TMPRSS13: variants seen among roughly 807,000 people sequenced by gnomAD.
The protein encoded by TMPRSS13 is transmembrane serine protease 13.
Under a neutral mutation model 68.4 loss-of-function variants are expected in TMPRSS13, and 50 were observed. The ratio of observed to expected loss-of-function variants is 0.73; its 90% CI spans 0.58 to 0.93. The LOEUF (loss-of-function observed/expected upper bound fraction) is 0.93, where lower values mean the gene tolerates loss of function less well. Among genes scored for constraint, TMPRSS13 ranks in the 40% least tolerant of loss-of-function variants. The probability of loss-of-function intolerance (pLI) is 0.00; values close to 1 mark genes in which losing one functional copy is unlikely to be tolerated. For missense variants in TMPRSS13, 615 were observed against 729.2 expected, an observed-to-expected ratio of 0.84 and a Z score of 1.80; for synonymous variants, 267 against 285.8, an observed-to-expected ratio of 0.93 and a Z score of 0.66.
chr11:117,916,888 T>C (rs543199706), intron 3 of TMPRSS13, among the ~76,000 whole-genome samples: 2 of 152,282 alleles, frequency 1.3e-5, no homozygotes, highest in East Asian at 3.9e-4. Context: ...GAAACTGAGC[T>C]CAGGGTGGTT....
At chr11:117,907,779 C>T in intron 9 of TMPRSS13, 15 of 984,228 alleles carry the variant, frequency 1.5e-5, no homozygotes, top group Non-Finnish European at 1.8e-5. Context: ...CCGAAAACAT[C>T]GTATAATTGG....
In TMPRSS13 at chr11:117,920,185, G is replaced by A. The variant is rs1048974419; in HGVS notation, c.22-1347C>T. ...AGGCAGCTGGGCGCCCCAGGCAAGT[G>A]ACTTCACCTCTTTACATCTCAGTCT... is the stretch of plus-strand genomic sequence containing the variant. On this transcript the variant is annotated intron_variant, in intron 1 of 12. Transcript: ENST00000524993. Among the ~76,000 whole-genome samples the A allele has an allele frequency of 2.6e-5, 4 of 152,308 alleles. No individual in the cohort carries two copies. In the South Asian group the frequency reaches 8.3e-4, roughly 32 times the overall value.
chr11:117,925,420 C>G (rs1565355860), intron 1 of TMPRSS13, among the ~76,000 whole-genome samples: 1 of 150,866 alleles, frequency 6.6e-6, no homozygotes, highest in Non-Finnish European at 1.5e-5. Context: ...TTCATTCATT[C>G]ATTTATCAAA....
chr11:117,906,657 T>A (rs1287152690), intron 9 of TMPRSS13, among the ~76,000 whole-genome samples: 1 of 152,206 alleles, frequency 6.6e-6, no homozygotes, highest in South Asian at 2.1e-4. Flanking sequence ...TTTTGTCTGC[T>A]AGAGAGTAAA....
chr11:117,914,342 AAC>A lies in TMPRSS13; in HGVS notation c.679+48_679+49del, dbSNP rs1491201148. On this transcript the variant is annotated intron_variant, in intron 4 of 12. Transcript: ENST00000524993. This position sits in a 1 kb window ranked among gnomAD's most constrained non-coding sequence, Gnocchi z 4.2. ...ACACACATATACAAACAGGCACACA[AAC>A]ACATGCACATGCACACGCACGCGCT... The A allele has an allele frequency of 1.2e-6, 2 of 1,606,284 alleles. No homozygotes were observed. The highest frequency in any genetic ancestry group is 2.7e-5 in the African/African-American group (2 of 74,800).
At chr11:117,919,416 A>C (rs2057620709) in intron 1 of TMPRSS13, among the ~76,000 whole-genome samples, 1 of 152,252 alleles carries the variant, frequency 6.6e-6, no homozygotes. Context: ...GAGGAGAAAA[A>C]GAATGCTGGA....
intron 12 of TMPRSS13, among the ~76,000 whole-genome samples, chr11:117,902,521 C>T (rs1428953640): frequency 6.6e-6 from 1 of 152,238 alleles, no homozygotes. Flanking sequence ...GCTGGCAGAG[C>T]ACCCCCTGCT....
chr11:117,904,156 A>G (rs1198734618), intron 10 of TMPRSS13, 55 bp from the exon 11 acceptor site: 2 of 1,587,772 alleles, frequency 1.3e-6, no homozygotes, highest in African/African-American at 2.7e-5. Flanking sequence ...GAGATTCTAG[A>G]TAGCTTCCTG....
Position 117,929,359 on chromosome 11 carries a change from C to T in TMPRSS13, c.-52G>A, listed in dbSNP as rs769002481. The stretch of plus-strand genomic sequence containing the variant: ...GCTTAGCTGATGTCGAGGAGAAGAT[C>T]CATCTTGGTCCCTGGCTTCTCAGGC... On this transcript the variant is annotated 5_prime_UTR_variant, in exon 1 of 13. Coordinates refer to ENST00000524993, the MANE Select transcript of TMPRSS13 (RefSeq NM_001077263.3). The T allele has an allele frequency of 3.8e-6, 6 of 1,572,900 alleles. No homozygotes were observed. The highest frequency in any genetic ancestry group is 1.7e-6 in the Non-Finnish European group (2 of 1,151,756).
intron 1 of TMPRSS13, among the ~76,000 whole-genome samples, chr11:117,920,514 T>C (rs1215417324): frequency 1.3e-5 from 2 of 152,030 alleles, no homozygotes; most frequent in Non-Finnish European, 2.9e-5. Context: ...AATTTTTGTA[T>C]TGGAATCTTG....
At position 117,901,703 on chromosome 11, in the gene TMPRSS13, G is replaced by T. The variant is rs1011464628; in HGVS notation, c.*536C>A. 3.1e-5 allele frequency: 5 copies of T among 159,168 alleles called. No homozygotes were observed. The highest frequency in any genetic ancestry group is 1.2e-4 in the African/African-American group (5 of 41,692). The allele number at this position is 159,168 out of a possible 1,614,324, so 9.9% of individuals were successfully genotyped here. ...ACTGGTGACATCCACGGCACCAGCA[G>T]GGGGTCTGGGTGAGGACTTGATGCT... On this transcript the variant is annotated 3_prime_UTR_variant, in exon 13 of 13. Coordinates refer to ENST00000524993, the MANE Select transcript of TMPRSS13 (RefSeq NM_001077263.3).
At chr11:117,917,385 C>A in intron 2 of TMPRSS13, 111 bp from the exon 3 acceptor site, 1 of 718,472 alleles carries the variant, frequency 1.4e-6, no homozygotes. Context: ...AGGACCACTC[C>A]ACCCCAGAAG....
rs1214734464 is a variant in TMPRSS13 at position 117,901,895 on chromosome 11, C to T, written c.*344G>A. 1.7e-5 allele frequency: 6 copies of T among 345,172 alleles called. No individual in the cohort carries two copies. Among genetic ancestry groups the T allele is most frequent in the Middle Eastern group, 8.7e-4 (1 of 1,146 alleles). 21.4% of individuals were successfully genotyped at this position (345,172 alleles called of 1,614,324 possible). A position where few individuals can be genotyped will look rare whatever the true frequency, so the allele number is the denominator to read the frequency against. On this transcript the variant is annotated 3_prime_UTR_variant, in exon 13 of 13. Coordinates refer to ENST00000524993, the MANE Select transcript of TMPRSS13 (RefSeq NM_001077263.3). ...AGTGAGGGTCAGAGAAGCAAGAATT[C>T]CCAGCTCTTCCTTGGGCTCTGGGCT...
chr11:117,921,937 CCT>C (rs1177461122), intron 1 of TMPRSS13, among the ~76,000 whole-genome samples: 1 of 152,200 alleles, frequency 6.6e-6, no homozygotes, highest in East Asian at 1.9e-4. Flanking sequence ...CGCTCCACCC[CCT>C]GACTCTGACC....
At position 117,914,022 on chromosome 11, in the gene TMPRSS13, G is replaced by A; in HGVS notation, c.680-116C>T. 7.9e-7 allele frequency: 1 copy of A among 1,266,312 alleles called. No homozygotes were observed. The highest frequency in any genetic ancestry group is 1.1e-6 in the Non-Finnish European group (1 of 920,628). The allele number at this position is 1,266,312 out of a possible 1,614,324, so 78.4% of individuals were successfully genotyped here. A position where few individuals can be genotyped will look rare whatever the true frequency, so the allele number is the denominator to read the frequency against. On this transcript the variant is annotated intron_variant, in intron 4 of 12. Transcript: ENST00000524993. This position sits in a 1 kb window ranked among gnomAD's most constrained non-coding sequence, Gnocchi z 4.2. ...GCTTGTCCTGACAGCACTCCTTGCTGAGGCCTGGGAAAAGTCCAGGAACAT... is the reference window on the plus strand; with the variant it reads ...GCTTGTCCTGACAGCACTCCTTGCTAAGGCCTGGGAAAAGTCCAGGAACAT...
At chr11:117,921,238 G>A (rs1453139662) in intron 1 of TMPRSS13, among the ~76,000 whole-genome samples, 1 of 152,158 alleles carries the variant, frequency 6.6e-6, no homozygotes, top group East Asian at 1.9e-4. Context: ...AACATCCACA[G>A]GACCTACCTT....
At position 117,915,788 on chromosome 11, in the gene TMPRSS13, G is replaced by T. The variant is rs1016629097; in HGVS notation, c.557-1274C>A. Among the ~76,000 whole-genome samples, 3 of 152,214 alleles carry T rather than the reference G, an allele frequency of 2.0e-5. No homozygotes were observed. The highest frequency in any genetic ancestry group is 4.8e-5 in the African/African-American group (2 of 41,452). On this transcript the variant is annotated intron_variant, in intron 3 of 12. Coordinates refer to ENST00000524993, the MANE Select transcript of TMPRSS13 (RefSeq NM_001077263.3). The surrounding 1 kb of genome is among the most constrained non-coding windows in gnomAD (Gnocchi z 4.9). Reference sequence around the variant, plus strand: ...TTCTATTCTGTGAGCCCACCCGTGGGTGCCATCTCGCCCCTCCATGGGTTA... The same window carrying T: ...TTCTATTCTGTGAGCCCACCCGTGGTTGCCATCTCGCCCCTCCATGGGTTA...
intron 3 of TMPRSS13, among the ~76,000 whole-genome samples, chr11:117,916,173 G>A (rs565165315): frequency 6.6e-6 from 1 of 152,260 alleles, no homozygotes; most frequent in South Asian, 2.1e-4. Context: ...TTTGGCCTGG[G>A]GTTTAAAGCT....
At chr11:117,911,398 G>A (rs1283820807) in intron 6 of TMPRSS13, among the ~76,000 whole-genome samples, 2 of 152,270 alleles carry the variant, frequency 1.3e-5, no homozygotes, top group African/African-American at 4.8e-5. Context: ...TGTGCAAAGT[G>A]TCATGCCAGG....
Sources: gnomAD v4.1 joint callset for allele counts (sites outside exome capture counted in the v4.1 genomes callset) on GRCh38, gnomAD v4.1.1 for gene constraint, Gnocchi (gnomAD v3.1) non-coding constraint, MANE v1.5 for transcripts, NCBI Gene and HGNC (gene_info 2026-07-23, HGNC 2026-07-21) for gene names.